Variants in CLEC6A observed in about 807,000 individuals in gnomAD.
The protein encoded by CLEC6A is C-type lectin domain family 6 member A.
CLEC6A carries 22 observed loss-of-function variants against 25.7 expected under a neutral mutation model. The ratio of observed to expected loss-of-function variants is 0.85; its 90% CI spans 0.61 to 1.22. CLEC6A has a LOEUF of 1.22. Among genes scored for constraint, CLEC6A ranks in the 50% most tolerant of loss-of-function variants. CLEC6A has a pLI of 0.00. For synonymous variants in CLEC6A, 92 were observed against 76.7 expected (o/e 1.20, Z -1.04); for missense variants, 240 against 236.8 (o/e 1.01, Z -0.09).
intron 2 of CLEC6A, among the ~76,000 whole-genome samples, chr12:8,458,629 G>T (rs113483994): frequency 0.016 from 2,482 of 152,210 alleles, 25 homozygotes; most frequent in Non-Finnish European, 0.024. Flanking sequence ...TGTCAATCAG[G>T]TTGTAGCTAT....
Position 8,477,345 on chromosome 12 carries a change from C to T in CLEC6A, c.511C>T (p.His171Tyr). ...VRFWHLGEPN[H>Y]SAEQCASIVF... The stretch of plus-strand genomic sequence containing the variant: ...ATTTTGGCACCTAGGTGAGCCCAAT[C>T]ATTCTGCAGAGCAATGTGCTTCAAT... The change falls in exon 6 of 6, where the codon CAT becomes TAT. Residue 171 changes from histidine to tyrosine, a missense_variant. Coordinates refer to ENST00000382073, the MANE Select transcript of CLEC6A (RefSeq NM_001007033.2). 6.2e-7 allele frequency: 1 copy of T among 1,610,932 alleles called. No homozygotes were observed.
In CLEC6A at chr12:8,475,418, G is replaced by T. The variant is rs115186319; in HGVS notation, c.370-707G>T. 4.9e-3 allele frequency among the ~76,000 whole-genome samples: 745 copies of T among 151,570 alleles called. 6 individuals carry two copies. The highest frequency in any genetic ancestry group is 0.017 in the African/African-American group (696 of 41,282). ...TGAAAAGATTTATATGAAAAAATAG[G>T]CTCACATGATTACGTAGGCTAAGAA... On this transcript the variant is annotated intron_variant, in intron 4 of 5. Transcript: ENST00000382073.
At chr12:8,471,098 G>C (rs1054823305) in intron 4 of CLEC6A, among the ~76,000 whole-genome samples, 1 of 151,926 alleles carries the variant, frequency 6.6e-6, no homozygotes, top group Non-Finnish European at 1.5e-5. Context: ...TTATTACATT[G>C]ATTTTCATGT....
intron 3 of CLEC6A, among the ~76,000 whole-genome samples, chr12:8,463,857 C>T (rs759498438): frequency 6.7e-6 from 1 of 148,700 alleles, no homozygotes. Flanking sequence ...CGTTAGCATA[C>T]CCTTTTGACA....
At chr12:8,475,508 G>A (rs922005720) in intron 4 of CLEC6A, among the ~76,000 whole-genome samples, 3 of 151,888 alleles carry the variant, frequency 2.0e-5, no homozygotes, top group African/African-American at 7.3e-5. Context: ...TCCAGTTTGA[G>A]TTCAAAGGCC....
intron 4 of CLEC6A, among the ~76,000 whole-genome samples, chr12:8,469,984 G>A (rs1939884594): frequency 6.6e-6 from 1 of 152,174 alleles, no homozygotes; most frequent in Non-Finnish European, 1.5e-5. Flanking sequence ...ATAATCAGCA[G>A]AGTAAACAGA....
chr12:8,460,069 A>C (rs887891128), intron 3 of CLEC6A, among the ~76,000 whole-genome samples: 3 of 152,208 alleles, frequency 2.0e-5, no homozygotes, highest in African/African-American at 4.8e-5. Context: ...TCTCCATCCC[A>C]AATACTAGCT....
At chr12:8,476,873 G>A (rs903220171) in intron 5 of CLEC6A, among the ~76,000 whole-genome samples, 2 of 152,020 alleles carry the variant, frequency 1.3e-5, no homozygotes, top group Non-Finnish European at 2.9e-5. Context: ...TACCCAGAAC[G>A]TATTCCCTGG....
intron 3 of CLEC6A, among the ~76,000 whole-genome samples, chr12:8,464,363 T>G (rs1939802374): frequency 6.6e-6 from 1 of 151,106 alleles, no homozygotes; most frequent in African/African-American, 2.4e-5. Context: ...GGAGTCTCTC[T>G]CTGTCGCCCA....
chr12:8,458,375 T>C (rs954149431), intron 2 of CLEC6A, among the ~76,000 whole-genome samples: 1 of 152,244 alleles, frequency 6.6e-6, no homozygotes, highest in Admixed American at 6.5e-5. Context: ...TTAGATTCTT[T>C]GATTCATGTG....
intron 3 of CLEC6A, chr12:8,460,833 A>G (rs943565438): frequency 4.2e-5 from 43 of 1,018,046 alleles, no homozygotes; most frequent in Non-Finnish European, 6.4e-5. Context: ...GTGGCCAAAA[A>G]CGCCCAGTTC....
intron 3 of CLEC6A, 98 bp from the exon 4 acceptor site, chr12:8,465,386 G>A (rs7315873): frequency 0.81 from 956,962 of 1,182,038 alleles, 389,666 homozygotes; most frequent in East Asian, 0.99. Flanking sequence ...CAGTAAAAAC[G>A]TGAATTAAGA....
intron 4 of CLEC6A, 39 bp from the exon 5 acceptor site, chr12:8,476,086 A>C: frequency 7.5e-7 from 1 of 1,338,502 alleles, no homozygotes; most frequent in East Asian, 2.3e-5. Context: ...CAATCTGGAA[A>C]TACCAAAGTC....
intron 4 of CLEC6A, 63 bp from the exon 5 acceptor site, chr12:8,476,062 A>G: frequency 9.5e-7 from 1 of 1,051,110 alleles, no homozygotes; most frequent in Non-Finnish European, 1.4e-6. Context: ...GCTATAAGCA[A>G]CCTTTACTCT....
At chr12:8,465,800 T>G (rs975775324) in intron 4 of CLEC6A, among the ~76,000 whole-genome samples, 171 bp downstream of exon 4, 1 of 152,234 alleles carries the variant, frequency 6.6e-6, no homozygotes, top group East Asian at 1.9e-4. Flanking sequence ...CCCCACCCAT[T>G]GAACAACAAC....
chr12:8,475,213 G>A (rs1408448725), intron 4 of CLEC6A, among the ~76,000 whole-genome samples: 1 of 152,030 alleles, frequency 6.6e-6, no homozygotes, highest in African/African-American at 2.4e-5. Flanking sequence ...GTACTCAGGG[G>A]AGTAGAGAAA....
At chr12:8,467,542 G>C (rs980869624) in intron 4 of CLEC6A, among the ~76,000 whole-genome samples, 2 of 150,330 alleles carry the variant, frequency 1.3e-5, no homozygotes, top group African/African-American at 4.9e-5. Flanking sequence ...CTGTTCCATT[G>C]GTCTCTATGT....
At position 8,477,536 on chromosome 12, in the gene CLEC6A, C is replaced by A; in HGVS notation, c.*72C>A. ...TTCCCTGACGTCTTTAAAATTGAACCCTATCATGAAATGATAATTTCTTCC... is the reference window on the plus strand; with the variant it reads ...TTCCCTGACGTCTTTAAAATTGAACACTATCATGAAATGATAATTTCTTCC... On this transcript the variant is annotated 3_prime_UTR_variant, in exon 6 of 6. Transcript: ENST00000382073. The A allele has an allele frequency of 1.7e-6, 2 of 1,184,704 alleles. No individual in the cohort carries two copies. Among genetic ancestry groups the A allele is most frequent in the Non-Finnish European group, 2.4e-6 (2 of 843,296 alleles). 73.4% of individuals were successfully genotyped at this position (1,184,704 alleles called of 1,614,324 possible). A position where few individuals can be genotyped will look rare whatever the true frequency, so the allele number is the denominator to read the frequency against.
At chr12:8,456,897 G>A (rs1939683325) in intron 1 of CLEC6A, among the ~76,000 whole-genome samples, 1 of 152,116 alleles carries the variant, frequency 6.6e-6, no homozygotes, top group Non-Finnish European at 1.5e-5. Flanking sequence ...ATCACTTGAG[G>A]TCAGGAGTTA....
Sources: allele counts gnomAD v4.1 joint callset (sites outside exome capture counted in the v4.1 genomes callset), GRCh38; gene constraint gnomAD v4.1.1; transcripts MANE v1.5; gene names NCBI Gene and HGNC (gene_info 2026-07-23, HGNC 2026-07-21).